The following VPS13B variants were observed in gnomAD, a reference collection of about 807,000 sequenced individuals.
VPS13B encodes the protein intermembrane lipid transfer protein VPS13B.
In VPS13B, 285 loss-of-function variants were observed where a neutral mutation model predicts 426.4. That is an observed-to-expected ratio of 0.67 (90% CI 0.61 to 0.74). The LOEUF (loss-of-function observed/expected upper bound fraction) is 0.74. Ranked by LOEUF, VPS13B falls within the 30% of genes least tolerant of loss-of-function variation. The pLI, the probability that VPS13B is intolerant of heterozygous loss-of-function variation, is 0.00. For missense variants in VPS13B, 4,537 were observed against 4,782.6 expected (o/e 0.95, Z 1.51); for synonymous variants, 1,676 against 1,676.4 (o/e 1.00, Z 0.01).
At chr8:99,200,704 G>T (rs568386526) in intron 17 of VPS13B, among the ~76,000 whole-genome samples, 3 of 152,016 alleles carry the variant, frequency 2.0e-5, no homozygotes, top group Non-Finnish European at 4.4e-5. Context: ...CTTCTATGGA[G>T]AAATTATTCA....
chr8:99,640,025 T>TAAGAAGAAGAAGAAGAAGAAG (rs1200705406), intron 33 of VPS13B, among the ~76,000 whole-genome samples: 5 of 104,318 alleles, frequency 4.8e-5, no homozygotes, highest in African/African-American at 1.8e-4. Context: ...ATAATAATAA[T>TAAGAAGAAGAAGAAGAAGAAG]AAGAAGAAGA....
chr8:99,379,288 A>G (rs112394618), intron 19 of VPS13B, among the ~76,000 whole-genome samples: 219 of 152,294 alleles, frequency 1.4e-3, no homozygotes, highest in African/African-American at 5.0e-3. Flanking sequence ...AAGAAAGTCT[A>G]AGGCTCATCT....
chr8:99,875,901 AT>A lies in VPS13B; in HGVS notation c.*236del. 1 of 565,510 alleles carries A rather than the reference AT, an allele frequency of 1.8e-6. No individual in the cohort carries two copies. The allele number at this position is 565,510 out of a possible 1,614,324, so 35.0% of individuals were successfully genotyped here. ...CTAGGCAGCTCTAACATCATCTGAT[AT>A]GGACACAAGGCCAACAGTTTCCTTA... On this transcript the variant is annotated 3_prime_UTR_variant, in exon 62 of 62. Coordinates refer to ENST00000357162, the MANE Select transcript of VPS13B (RefSeq NM_152564.5).
intron 17 of VPS13B, chr8:99,233,132 G>T (rs1035992645): frequency 6.0e-6 from 8 of 1,338,940 alleles, no homozygotes; most frequent in African/African-American, 4.3e-5. Flanking sequence ...CTGATACTGC[G>T]CTGTGCAGTC....
chr8:99,587,625 T>TG (rs1826374609), intron 33 of VPS13B, among the ~76,000 whole-genome samples: 2 of 151,662 alleles, frequency 1.3e-5, no homozygotes, highest in East Asian at 1.9e-4. Flanking sequence ...TGTCTTCTTT[T>TG]AAAGTGTCTA....
intron 54 of VPS13B, among the ~76,000 whole-genome samples, chr8:99,847,482 AG>A (rs1444209003): frequency 3.9e-5 from 6 of 152,248 alleles, no homozygotes; most frequent in Non-Finnish European, 8.8e-5. Flanking sequence ...CAGGACATAC[AG>A]GCTTTTGAAA....
intron 33 of VPS13B, among the ~76,000 whole-genome samples, chr8:99,628,203 C>T (rs1024031097): frequency 6.6e-6 from 1 of 152,232 alleles, no homozygotes; most frequent in Non-Finnish European, 1.5e-5. Context: ...TCAGCCAGAT[C>T]TTTAGCTCCC....
At chr8:99,549,007 A>G (rs963366746) in intron 30 of VPS13B, among the ~76,000 whole-genome samples, 1 of 152,116 alleles carries the variant, frequency 6.6e-6, no homozygotes, top group Non-Finnish European at 1.5e-5. Context: ...AATTTGTAAT[A>G]GAAATTTTCA....
At chr8:99,431,446 A>C in intron 21 of VPS13B, 91 bp from the exon 22 acceptor site, 1 of 1,474,020 alleles carries the variant, frequency 6.8e-7, no homozygotes, top group Non-Finnish European at 9.3e-7. Context: ...ATTTTAAGCA[A>C]GGAAAGAAAC....
chr8:99,557,568 A>G (rs1824654441), intron 31 of VPS13B, among the ~76,000 whole-genome samples: 1 of 152,050 alleles, frequency 6.6e-6, no homozygotes, highest in Non-Finnish European at 1.5e-5. Flanking sequence ...GATTGTTTAC[A>G]CCTCTTTACA....
At chr8:99,050,384 A>G (rs1843472288) in intron 3 of VPS13B, among the ~76,000 whole-genome samples, 1 of 152,186 alleles carries the variant, frequency 6.6e-6, no homozygotes, top group African/African-American at 2.4e-5. Context: ...TTATGGGAGC[A>G]TAGTATTCAA....
intron 43 of VPS13B, among the ~76,000 whole-genome samples, chr8:99,797,480 C>G (rs1812906543): frequency 6.6e-6 from 1 of 152,076 alleles, no homozygotes; most frequent in African/African-American, 2.4e-5. Context: ...ATAAAATTGT[C>G]AACACTGTTC....
intron 27 of VPS13B, among the ~76,000 whole-genome samples, chr8:99,505,692 A>C (rs938284681): frequency 6.6e-6 from 1 of 152,188 alleles, no homozygotes; most frequent in Non-Finnish European, 1.5e-5. Flanking sequence ...AGAATTACCA[A>C]TATGTGACAC....
chr8:99,249,097 G>T (rs1460744921), intron 17 of VPS13B, among the ~76,000 whole-genome samples: 1 of 151,732 alleles, frequency 6.6e-6, no homozygotes, highest in Non-Finnish European at 1.5e-5. Context: ...TTGTCTCTGT[G>T]GATTTTCCTT....
At chr8:99,041,853 C>CAAA (rs766715821) in intron 3 of VPS13B, among the ~76,000 whole-genome samples, 3 of 68,976 alleles carry the variant, frequency 4.3e-5, no homozygotes, top group Non-Finnish European at 6.0e-5. Flanking sequence ...ACTCTGTCTC[C>CAAA]AAAAAAAAAA....
intron 36 of VPS13B, among the ~76,000 whole-genome samples, chr8:99,710,366 T>C (rs1190694271): frequency 6.6e-6 from 1 of 152,202 alleles, no homozygotes; most frequent in Admixed American, 6.5e-5. Context: ...CTTAACTCAC[T>C]TTCTGTTGCC....
chr8:99,707,614 T>C (rs889322247), intron 36 of VPS13B, among the ~76,000 whole-genome samples: 1 of 152,140 alleles, frequency 6.6e-6, no homozygotes, highest in African/African-American at 2.4e-5. Context: ...AAACAAAAAC[T>C]TTAGAACACC....
At chr8:99,417,552 G>A (rs1289210987) in intron 21 of VPS13B, among the ~76,000 whole-genome samples, 1 of 152,044 alleles carries the variant, frequency 6.6e-6, no homozygotes, top group Non-Finnish European at 1.5e-5. Context: ...CAAATTTTTT[G>A]TTGTTGTCTA....
intron 17 of VPS13B, among the ~76,000 whole-genome samples, chr8:99,204,898 C>G (rs1034804566): frequency 2.6e-5 from 4 of 152,204 alleles, no homozygotes; most frequent in African/African-American, 9.6e-5. Context: ...TGCTTTTACA[C>G]TGTTGGTGGG....
Sources: gnomAD v4.1 joint callset for allele counts (sites outside exome capture counted in the v4.1 genomes callset) on GRCh38, gnomAD v4.1.1 for gene constraint, MANE v1.5 for transcripts, NCBI Gene and HGNC (gene_info 2026-07-23, HGNC 2026-07-21) for gene names.